CNTN5: variants seen among roughly 807,000 people sequenced by gnomAD.
CNTN5 encodes contactin 5, also known as contactin-5.
A neutral mutation model predicts 129.1 loss-of-function variants in CNTN5; 77 were observed. That is an observed-to-expected ratio of 0.60 (90% CI 0.50 to 0.72). CNTN5 has a LOEUF of 0.72. Ranked by LOEUF, CNTN5 falls within the 30% of genes least tolerant of loss-of-function variation. The probability of loss-of-function intolerance (pLI) is 0.00; values close to 1 mark genes in which losing one functional copy is unlikely to be tolerated. For missense variants in CNTN5, 1,478 were observed against 1,328.8 expected (o/e 1.11, Z -1.75); for synonymous variants, 509 against 465.6 (o/e 1.09, Z -1.20).
At chr11:99,176,563 T>C (rs1388062685) in intron 1 of CNTN5, among the ~76,000 whole-genome samples, 1 of 152,226 alleles carries the variant, frequency 6.6e-6, no homozygotes, top group African/African-American at 2.4e-5. Context: ...CAACTCCACA[T>C]GTCCAGTTGA....
intron 3 of CNTN5, among the ~76,000 whole-genome samples, chr11:99,754,695 T>A (rs1944352447): frequency 6.6e-6 from 1 of 152,162 alleles, no homozygotes; most frequent in Admixed American, 6.5e-5. Context: ...ACACAGAGCC[T>A]CCCTATCATT....
intron 3 of CNTN5, among the ~76,000 whole-genome samples, chr11:99,676,734 A>T (rs539851981): frequency 2.2e-4 from 34 of 152,210 alleles, no homozygotes; most frequent in African/African-American, 8.2e-4. Flanking sequence ...TTAAAAAAAA[A>T]TTAGTAAGTT....
At chr11:99,056,261 G>A (rs539211024) in intron 1 of CNTN5, among the ~76,000 whole-genome samples, 17 of 151,894 alleles carry the variant, frequency 1.1e-4, no homozygotes, top group African/African-American at 2.9e-4. Context: ...CCACACCTAC[G>A]CAATCATAAC....
chr11:99,203,229 C>T (rs575203276), intron 1 of CNTN5, among the ~76,000 whole-genome samples: 5 of 152,142 alleles, frequency 3.3e-5, no homozygotes, highest in Admixed American at 1.3e-4. Flanking sequence ...TTGGAGAGAC[C>T]GTGCCTGCTT....
intron 1 of CNTN5, among the ~76,000 whole-genome samples, chr11:99,152,162 A>G (rs1860092380): frequency 6.6e-6 from 1 of 152,220 alleles, no homozygotes; most frequent in South Asian, 2.1e-4. Context: ...AAAAATCTAC[A>G]GTCATTATGA....
chr11:99,969,707 C>G (rs1951197019), intron 8 of CNTN5, among the ~76,000 whole-genome samples: 1 of 152,070 alleles, frequency 6.6e-6, no homozygotes, highest in Non-Finnish European at 1.5e-5. Context: ...AGTTTGTTCT[C>G]CCAAACTCTT....
At chr11:99,763,398 G>A (rs1020452345) in intron 3 of CNTN5, among the ~76,000 whole-genome samples, 1 of 152,056 alleles carries the variant, frequency 6.6e-6, no homozygotes, top group African/African-American at 2.4e-5. Context: ...ACTCATGTAA[G>A]CTGTAACTGA....
intron 6 of CNTN5, among the ~76,000 whole-genome samples, chr11:99,867,824 G>C (rs1229231419): frequency 6.6e-6 from 1 of 152,134 alleles, no homozygotes; most frequent in Non-Finnish European, 1.5e-5. Context: ...TTCAGATGTG[G>C]ACAACGTTGA....
At chr11:99,495,320 A>G (rs528398892) in intron 2 of CNTN5, among the ~76,000 whole-genome samples, 2 of 152,222 alleles carry the variant, frequency 1.3e-5, no homozygotes, top group South Asian at 2.1e-4. Flanking sequence ...GAGAGCTGAG[A>G]TCGCACCACT....
chr11:99,520,300 A>G (rs537496909), intron 2 of CNTN5, among the ~76,000 whole-genome samples: 93 of 152,140 alleles, frequency 6.1e-4, no homozygotes, highest in Non-Finnish European at 1.3e-3. Flanking sequence ...AAATTTGTAT[A>G]GTCTCTCCTA....
chr11:99,042,654 C>A (rs1332577180), intron 1 of CNTN5, among the ~76,000 whole-genome samples: 1 of 151,902 alleles, frequency 6.6e-6, no homozygotes. Context: ...GGATTACAGG[C>A]GTGAGCCACC....
chr11:100,043,807 C>T (rs1002376814), intron 9 of CNTN5, among the ~76,000 whole-genome samples: 1 of 151,938 alleles, frequency 6.6e-6, no homozygotes, highest in East Asian at 1.9e-4. Flanking sequence ...ATACTGTCTC[C>T]TTCTGTATTT....
rs1391573181 is a variant in CNTN5 at position 100,299,358 on chromosome 11, C to T, written c.2582C>T (p.Pro861Leu). 1 of 1,609,302 alleles carries T rather than the reference C, an allele frequency of 6.2e-7. No homozygotes were observed. Among genetic ancestry groups the T allele is most frequent in the East Asian group, 2.2e-5 (1 of 44,742 alleles). The change falls in exon 20 of 25, where the codon CCT becomes CTT. Residue 861 changes from proline (P) to leucine (L), a missense_variant. By Grantham distance (98) the Pro-to-Leu change is moderately conservative. Transcript: ENST00000524871. ...GTTTATAACAATAAAGGAGATGGGC[C>T]TTTTAGTCAAATTGTGGTCATCTGT... ...VGVYNNKGDG[P>L]FSQIVVICSA...
chr11:99,441,348 AC>A (rs1426318860), intron 2 of CNTN5, among the ~76,000 whole-genome samples: 2 of 152,142 alleles, frequency 1.3e-5, no homozygotes, highest in Non-Finnish European at 2.9e-5. Context: ...CTTTATACAA[AC>A]AATAAAATAA....
chr11:99,274,437 A>C (rs1384979328), intron 1 of CNTN5, among the ~76,000 whole-genome samples: 1 of 151,674 alleles, frequency 6.6e-6, no homozygotes, highest in Non-Finnish European at 1.5e-5. Flanking sequence ...TTTTTTGAGA[A>C]GCTGTTTTTT....
rs1355072878 is a variant in CNTN5 at position 100,074,162 on chromosome 11, C to T, written c.1448C>T (p.Ala483Val). 1 of 1,612,392 alleles carries T rather than the reference C, an allele frequency of 6.2e-7. No homozygotes were observed. Among genetic ancestry groups the T allele is most frequent in the Non-Finnish European group, 8.5e-7 (1 of 1,179,162 alleles). The change falls in exon 13 of 25, where the codon GCA becomes GTA. Residue 483 changes from alanine (A) to valine (V), a missense_variant. Ala to Val is a moderately conservative substitution (Grantham distance 64, BLOSUM62 0). Coordinates refer to ENST00000524871, the MANE Select transcript of CNTN5 (RefSeq NM_014361.4). ...LKILASAPTF[A>V]LNQLKKTIIV... is the part of the protein sequence containing the mutation. ...TTAATAGCTTCAGCTCCCACTTTTGCACTGAATCAACTGAAGAAAACAATA... is the reference window on the plus strand; with the variant it reads ...TTAATAGCTTCAGCTCCCACTTTTGTACTGAATCAACTGAAGAAAACAATA...
intron 13 of CNTN5, among the ~76,000 whole-genome samples, chr11:100,161,502 T>C (rs1947443998): frequency 6.6e-6 from 1 of 151,866 alleles, no homozygotes; most frequent in Non-Finnish European, 1.5e-5. Context: ...TTTTCATGGA[T>C]GATGTTCAAT....
At chr11:99,179,145 G>T (rs1857921286) in intron 1 of CNTN5, among the ~76,000 whole-genome samples, 1 of 151,954 alleles carries the variant, frequency 6.6e-6, no homozygotes, top group South Asian at 2.1e-4. Flanking sequence ...AAATTTAATG[G>T]CTGGGCTGCT....
chr11:99,847,170 G>A (rs763611841), intron 6 of CNTN5, among the ~76,000 whole-genome samples: 1 of 152,152 alleles, frequency 6.6e-6, no homozygotes, highest in Non-Finnish European at 1.5e-5. Flanking sequence ...TATGTCAGTT[G>A]TTTTTCCCTT....
Sources: allele counts gnomAD v4.1 joint callset (sites outside exome capture counted in the v4.1 genomes callset), GRCh38; gene constraint gnomAD v4.1.1; transcripts MANE v1.5; gene names NCBI Gene and HGNC (gene_info 2026-07-23, HGNC 2026-07-21).